The following TENM3 variants were observed in gnomAD, a reference collection of about 807,000 sequenced individuals.
TENM3 encodes the protein teneurin-3.
In TENM3, 63 loss-of-function variants were observed where a neutral mutation model predicts 255.1. The ratio of observed to expected loss-of-function variants is 0.25; its 90% CI spans 0.20 to 0.30. The LOEUF (loss-of-function observed/expected upper bound fraction) is 0.30. Among genes scored for constraint, TENM3 ranks in the 10% least tolerant of loss-of-function variants. The probability of loss-of-function intolerance (pLI) is 1.00; values close to 1 mark genes in which losing one functional copy is unlikely to be tolerated. For synonymous variants in TENM3, 1,306 were observed against 1,322.3 expected (o/e 0.99, Z 0.27); for missense variants, 2,929 against 3,461.1 (o/e 0.85, Z 3.86).
At chr4:182,612,547 A>AT (rs1318905669) in intron 4 of TENM3, among the ~76,000 whole-genome samples, 1 of 152,182 alleles carries the variant, frequency 6.6e-6, no homozygotes, top group Non-Finnish European at 1.5e-5. Flanking sequence ...TACAAGTTTG[A>AT]TATGTAATTA....
At chr4:182,482,330 C>A (rs796418689) in intron 3 of TENM3, among the ~76,000 whole-genome samples, 1 of 152,006 alleles carries the variant, frequency 6.6e-6, no homozygotes, top group Non-Finnish European at 1.5e-5. Flanking sequence ...TATTAATATG[C>A]TTATATCTAT....
Position 182,777,484 on chromosome 4 carries a change from TTCTC to T in TENM3, c.5304+2335_5304+2338del, listed in dbSNP as rs370856647. Reference sequence around the variant, plus strand: ...TTAAATGGAGATAATAGAGATATCATTCTCTCTGTCTATACATAATGTGTTTATG... The same window carrying T: ...TTAAATGGAGATAATAGAGATATCATTCTGTCTATACATAATGTGTTTATG... On this transcript the variant is annotated intron_variant, in intron 24 of 27. Transcript: ENST00000511685. Among the ~76,000 whole-genome samples the T allele has an allele frequency of 1.3e-4, 20 of 149,644 alleles. No homozygotes were observed. The East Asian group carries it at 2.0e-3, about 15-fold the overall frequency.
intron 3 of TENM3, among the ~76,000 whole-genome samples, chr4:182,418,843 G>T (rs1770577782): frequency 6.6e-6 from 1 of 152,168 alleles, no homozygotes; most frequent in South Asian, 2.1e-4. Flanking sequence ...GATTACAGCT[G>T]TGTGCCACCG....
At chr4:181,712,610 G>A in the TENM3 span, among the ~76,000 whole-genome samples, 1 of 152,002 alleles carries the variant, frequency 6.6e-6, no homozygotes, top group Admixed American at 6.6e-5. Flanking sequence ...AAACTAATAA[G>A]CCCTATTACT....
chr4:181,508,761 A>G, the TENM3 span, among the ~76,000 whole-genome samples: 7 of 152,016 alleles, frequency 4.6e-5, no homozygotes, highest in Non-Finnish European at 1.0e-4. Context: ...GTCTATTTTC[A>G]TGTCATCCCA....
chr4:182,694,316 C>T (rs1007638401), intron 12 of TENM3, among the ~76,000 whole-genome samples: 4 of 151,836 alleles, frequency 2.6e-5, no homozygotes, highest in South Asian at 2.1e-4. Context: ...CTTCATGTTG[C>T]CCAGGCGGGC....
At position 182,232,652 on chromosome 4, in the gene TENM3, C is replaced by T. The variant is rs536010670; in HGVS notation, c.-76+87898C>T. Among the ~76,000 whole-genome samples the T allele has an allele frequency of 9.9e-5, 15 of 151,938 alleles. 1 individual carries two copies. In the South Asian group the frequency reaches 2.1e-3, roughly 21 times the overall value. ...CCAAGGTTGCAGTGAGCGGAGATCG[C>T]GCCACTGCACTCCAGCCTGGCAACA... On this transcript the variant is annotated intron_variant, in intron 1 of 2. Transcript: ENST00000512480.
chr4:181,551,884 GTGTGTA>G, the TENM3 span, among the ~76,000 whole-genome samples: 99 of 74,780 alleles, frequency 1.3e-3, 1 homozygote, highest in East Asian at 4.3e-3. Context: ...GTGTGTGTGT[GTGTGTA>G]TATAAATTTT....
chr4:181,973,651 C>T, the TENM3 span, among the ~76,000 whole-genome samples: 3 of 152,168 alleles, frequency 2.0e-5, no homozygotes, highest in Non-Finnish European at 2.9e-5. Context: ...ATCCAAGCTA[C>T]TCAGGAAGCT....
intron 1 of TENM3, among the ~76,000 whole-genome samples, chr4:182,191,984 C>G (rs563267435): frequency 6.8e-4 from 104 of 152,278 alleles, no homozygotes; most frequent in African/African-American, 2.2e-3. Flanking sequence ...GTATGGTCCC[C>G]AGGTCAAATC....
intron 1 of TENM3, among the ~76,000 whole-genome samples, chr4:182,172,066 C>A (rs1427498126): frequency 6.6e-6 from 1 of 151,242 alleles, no homozygotes; most frequent in Non-Finnish European, 1.5e-5. Flanking sequence ...AAAATATTAA[C>A]CGAGACATCT....
At chr4:181,880,325 T>C in the TENM3 span, among the ~76,000 whole-genome samples, 1 of 152,312 alleles carries the variant, frequency 6.6e-6, no homozygotes, top group African/African-American at 2.4e-5. Flanking sequence ...ATTGTTTAAA[T>C]ATTTAAATAT....
the TENM3 span, among the ~76,000 whole-genome samples, chr4:181,882,136 G>T: frequency 1.3e-5 from 2 of 152,204 alleles, no homozygotes; most frequent in Non-Finnish European, 2.9e-5. Context: ...CGCCTGCAGA[G>T]TTCGGCTGCA....
chr4:182,614,501 A>T (rs1030188519), intron 4 of TENM3, among the ~76,000 whole-genome samples: 6 of 152,152 alleles, frequency 3.9e-5, no homozygotes, highest in Non-Finnish European at 8.8e-5. Flanking sequence ...AGTATGTTTT[A>T]TTACTTATTA....
chr4:182,081,241 A>G, the TENM3 span, among the ~76,000 whole-genome samples: 1 of 152,150 alleles, frequency 6.6e-6, no homozygotes, highest in African/African-American at 2.4e-5. Flanking sequence ...AGAAGTTTCC[A>G]GAATTGAGTG....
chr4:181,973,218 AG>A, the TENM3 span, among the ~76,000 whole-genome samples: 3 of 152,216 alleles, frequency 2.0e-5, no homozygotes, highest in African/African-American at 7.2e-5. Context: ...AACAACTGGA[AG>A]GCATCAATTT....
chr4:181,592,839 GA>G, the TENM3 span, among the ~76,000 whole-genome samples: 1 of 152,116 alleles, frequency 6.6e-6, no homozygotes, highest in Admixed American at 6.5e-5. Flanking sequence ...CTTCTGCTCA[GA>G]AGGCTTTAAA....
At chr4:181,742,199 A>G in the TENM3 span, among the ~76,000 whole-genome samples, 4 of 152,306 alleles carry the variant, frequency 2.6e-5, 1 homozygote, top group South Asian at 8.3e-4. Context: ...ATAGAAAAAA[A>G]GTAACAGATA....
chr4:181,471,676 T>C, the TENM3 span, among the ~76,000 whole-genome samples: 2 of 152,224 alleles, frequency 1.3e-5, no homozygotes, highest in Non-Finnish European at 2.9e-5. Flanking sequence ...GTAGCTATCC[T>C]AATATTCGCT....
Sources: allele counts gnomAD v4.1 joint callset (sites outside exome capture counted in the v4.1 genomes callset), GRCh38; gene constraint gnomAD v4.1.1; transcripts MANE v1.5; gene names NCBI Gene and HGNC (gene_info 2026-07-23, HGNC 2026-07-21).